Variants in PIP5K1B observed in about 807,000 individuals in gnomAD.
PIP5K1B encodes the protein phosphatidylinositol-4-phosphate 5-kinase type 1 beta.
Under a neutral mutation model 67.0 loss-of-function variants are expected in PIP5K1B, and 42 were observed. The observed-to-expected ratio is 0.63, with a 90% confidence interval of 0.49 to 0.81. The LOEUF (loss-of-function observed/expected upper bound fraction) is 0.81. Among genes scored for constraint, PIP5K1B ranks in the 30% least tolerant of loss-of-function variants. The probability of loss-of-function intolerance (pLI) is 0.00; values close to 1 mark genes in which losing one functional copy is unlikely to be tolerated. For synonymous variants in PIP5K1B, 214 were observed against 231.4 expected (o/e 0.92, Z 0.68); for missense variants, 459 against 646.3 (o/e 0.71, Z 3.14).
chr9:69,008,295 T>C, intron 15 of PIP5K1B, 152 bp from the exon 16 acceptor site: 11 of 721,920 alleles, frequency 1.5e-5, no homozygotes, highest in Non-Finnish European at 2.8e-5. Flanking sequence ...TATGCTATGC[T>C]GATCATTGCA....
At chr9:68,768,129 C>G (rs1587413900) in intron 2 of PIP5K1B, among the ~76,000 whole-genome samples, 1 of 152,040 alleles carries the variant, frequency 6.6e-6, no homozygotes, top group Admixed American at 6.6e-5. Context: ...GAGGAAGTTG[C>G]AAAGTTAACA....
intron 9 of PIP5K1B, 150 bp from the exon 10 acceptor site, chr9:68,919,329 A>G (rs1230379749): frequency 2.2e-5 from 12 of 543,886 alleles, no homozygotes; most frequent in Middle Eastern, 9.6e-4. Flanking sequence ...AACAAAAAGG[A>G]ACAAACAAAA....
In PIP5K1B at chr9:68,705,591, C is replaced by T. The variant is rs1827081621; in HGVS notation, c.-414C>T. ...ACCTGCCCGCCCTCAGCGTTGCCCCCGGCCCCGGCCCCGCCCGCCGCCCCC... is the reference window on the plus strand; with the variant it reads ...ACCTGCCCGCCCTCAGCGTTGCCCCTGGCCCCGGCCCCGCCCGCCGCCCCC... On this transcript the variant is annotated 5_prime_UTR_variant, in exon 1 of 16. Transcript: ENST00000265382. 1 of 146,094 alleles carries T rather than the reference C, an allele frequency of 6.8e-6. No individual in the cohort carries two copies. The highest frequency in any genetic ancestry group is 2.5e-5 in the African/African-American group (1 of 39,882). The allele number at this position is 146,094 out of a possible 1,614,324, so 9.0% of individuals were successfully genotyped here. A position where few individuals can be genotyped will look rare whatever the true frequency, so the allele number is the denominator to read the frequency against.
At chr9:68,985,848 A>C (rs1030331886) in intron 14 of PIP5K1B, among the ~76,000 whole-genome samples, 2 of 152,240 alleles carry the variant, frequency 1.3e-5, no homozygotes, top group Non-Finnish European at 1.5e-5. Context: ...CATTTTGCAT[A>C]AATGAAATTA....
chr9:68,850,260 A>C (rs1478735218), intron 4 of PIP5K1B, among the ~76,000 whole-genome samples: 1 of 152,228 alleles, frequency 6.6e-6, no homozygotes, highest in African/African-American at 2.4e-5. Context: ...GTCCCAGCTC[A>C]ATAGCCAGAA....
chr9:68,784,605 G>GA (rs1831502781), intron 2 of PIP5K1B: 1 of 166,966 alleles, frequency 6.0e-6, no homozygotes, highest in Non-Finnish European at 1.5e-5. Flanking sequence ...CTTAAATGAG[G>GA]AAAGTGAGTC....
At chr9:69,006,788 T>C (rs537812775) in intron 15 of PIP5K1B, among the ~76,000 whole-genome samples, 5 of 152,338 alleles carry the variant, frequency 3.3e-5, no homozygotes, top group African/African-American at 1.2e-4. Context: ...AGCAAAACTA[T>C]CACCTCTTTT....
At chr9:68,708,070 C>G (rs1320498534) in intron 1 of PIP5K1B, 1 of 152,180 alleles carries the variant, frequency 6.6e-6, no homozygotes, top group Non-Finnish European at 1.5e-5. Flanking sequence ...CCCTTCCCCC[C>G]TTTACTACAT....
intron 13 of PIP5K1B, among the ~76,000 whole-genome samples, chr9:68,937,695 T>A (rs1452845895): frequency 6.6e-6 from 1 of 152,206 alleles, no homozygotes; most frequent in Non-Finnish European, 1.5e-5. Context: ...AATTTTGATG[T>A]TATGGTGTCA....
At chr9:68,960,705 C>A (rs1425996417) in intron 14 of PIP5K1B, among the ~76,000 whole-genome samples, 1 of 152,154 alleles carries the variant, frequency 6.6e-6, no homozygotes, top group African/African-American at 2.4e-5. Flanking sequence ...CTGATAATTT[C>A]TTCCTTTAGT....
chr9:68,948,902 A>G (rs1827927424), intron 14 of PIP5K1B, among the ~76,000 whole-genome samples: 1 of 152,206 alleles, frequency 6.6e-6, no homozygotes, highest in Non-Finnish European at 1.5e-5. Flanking sequence ...GATATCTGAC[A>G]TTATATGAAG....
At chr9:68,745,353 C>T (rs1564103277) in intron 2 of PIP5K1B, among the ~76,000 whole-genome samples, 1 of 152,142 alleles carries the variant, frequency 6.6e-6, no homozygotes, top group Admixed American at 6.6e-5. Flanking sequence ...GTAGCCACAC[C>T]GTAGGTAAGA....
intron 4 of PIP5K1B, among the ~76,000 whole-genome samples, chr9:68,832,516 A>G (rs763155563): frequency 3.9e-5 from 6 of 152,184 alleles, no homozygotes; most frequent in East Asian, 3.8e-4. Context: ...AGCTGCTTTT[A>G]TTATGCCAGA....
rs779237594 is a variant in PIP5K1B, at chr9:68,876,810, T to G, written c.318+16T>G. The stretch of plus-strand genomic sequence containing the variant: ...TGATTACTTGGTAAGAACCTGTCAT[T>G]TTTCTTCCTTCTATAGAAATGTGTG... On this transcript the variant is annotated intron_variant, in intron 6 of 15. Transcript: ENST00000265382. 1 of 1,201,918 alleles carries G rather than the reference T, an allele frequency of 8.3e-7. No individual in the cohort carries two copies. Among genetic ancestry groups the G allele is most frequent in the South Asian group, 1.2e-5 (1 of 82,558 alleles). The allele number at this position is 1,201,918 out of a possible 1,614,324, so 74.5% of individuals were successfully genotyped here.
At chr9:68,750,543 G>C (rs776045369) in intron 2 of PIP5K1B, among the ~76,000 whole-genome samples, 1 of 152,222 alleles carries the variant, frequency 6.6e-6, no homozygotes, top group Non-Finnish European at 1.5e-5. Flanking sequence ...ATGTTAGAAA[G>C]TGATTTGAAT....
At chr9:68,740,662 C>A (rs1828960114) in intron 1 of PIP5K1B, among the ~76,000 whole-genome samples, 1 of 152,206 alleles carries the variant, frequency 6.6e-6, no homozygotes, top group African/African-American at 2.4e-5. Flanking sequence ...GAATTGTTTG[C>A]ATGTCATAAA....
chr9:68,740,088 C>G (rs1828931315), intron 1 of PIP5K1B, among the ~76,000 whole-genome samples: 1 of 152,200 alleles, frequency 6.6e-6, no homozygotes, highest in Non-Finnish European at 1.5e-5. Context: ...AGAAAGCATT[C>G]CCAATCCCTA....
intron 14 of PIP5K1B, among the ~76,000 whole-genome samples, chr9:68,957,918 G>C (rs1828487815): frequency 6.6e-6 from 1 of 151,860 alleles, no homozygotes; most frequent in Non-Finnish European, 1.5e-5. Context: ...CTGTTGCCCA[G>C]GCTGGAGTGC....
At chr9:68,881,540 T>C (rs1824200544) in intron 6 of PIP5K1B, among the ~76,000 whole-genome samples, 1 of 152,230 alleles carries the variant, frequency 6.6e-6, no homozygotes, top group Admixed American at 6.5e-5. Context: ...GGTGTGATAT[T>C]GAATACCTGC....
Sources: allele counts gnomAD v4.1 joint callset (sites outside exome capture counted in the v4.1 genomes callset), GRCh38; gene constraint gnomAD v4.1.1; transcripts MANE v1.5; gene names NCBI Gene and HGNC (gene_info 2026-07-23, HGNC 2026-07-21).